The following SUPT16H variants were observed in gnomAD, a reference collection of about 807,000 sequenced individuals.
SUPT16H encodes SPT16 homolog, facilitates chromatin remodeling subunit.
A neutral mutation model predicts 136.2 loss-of-function variants in SUPT16H; 24 were observed. The observed-to-expected ratio is 0.18, with a 90% CI of 0.13 to 0.25. SUPT16H has a LOEUF of 0.25. Among genes scored for constraint, SUPT16H ranks in the 10% least tolerant of loss-of-function variants. SUPT16H has a pLI of 1.00. For missense variants in SUPT16H, 623 were observed against 1,270.2 expected, an observed-to-expected ratio of 0.49 and a Z score of 7.74; for synonymous variants, 415 against 428.2, an observed-to-expected ratio of 0.97 and a Z score of 0.38.
intron 1 of SUPT16H, among the ~76,000 whole-genome samples, chr14:21,381,622 T>G (rs990195583): frequency 8.9e-6 from 1 of 112,396 alleles, no homozygotes; most frequent in Non-Finnish European, 2.0e-5. Context: ...TTTTTTTTTT[T>G]AATTTATTTT....
rs1886668529 is a variant in SUPT16H, at chr14:21,366,451, G to T, written c.1034C>A (p.Thr345Asn). The change falls in exon 8 of 26, where the codon ACC becomes AAC. Residue 345 changes from threonine (T) to asparagine (N), a missense_variant. Thr to Asn is a moderately conservative substitution (Grantham distance 65). Coordinates refer to ENST00000216297, the MANE Select transcript of SUPT16H (RefSeq NM_007192.4). ...KQKPELLNKITKNLGFGMGIE... is the reference protein window; with the variant it reads ...KQKPELLNKINKNLGFGMGIE... ...CATCATGGCATACCCTAGGTTTTTG[G>T]TAATTTTGTTCAGCAGTTCTGGCTT... is the stretch of plus-strand genomic sequence containing the variant. The T allele has an allele frequency of 2.5e-6, 4 of 1,613,764 alleles. No homozygotes were observed. The highest frequency in any genetic ancestry group is 3.3e-5 in the Admixed American group (2 of 59,958).
chr14:21,383,338 G>A (rs1887079194), intron 1 of SUPT16H: 1 of 439,770 alleles, frequency 2.3e-6, no homozygotes, highest in South Asian at 3.9e-5. Context: ...TAGAACATGA[G>A]GCGGTTGCGC....
In SUPT16H at chr14:21,352,885, A is replaced by G; in HGVS notation, c.2999-67T>C. The G allele has an allele frequency of 2.5e-6, 4 of 1,603,290 alleles. No homozygotes were observed. The South Asian group carries it at 3.3e-5, about 13-fold the overall frequency. ...TAGGTACCTAATATTACTGGATAGCATGAGATAGTACAGAGAATACACTTT... is the reference window on the plus strand; with the variant it reads ...TAGGTACCTAATATTACTGGATAGCGTGAGATAGTACAGAGAATACACTTT... On this transcript the variant is annotated intron_variant, in intron 25 of 25. Transcript: ENST00000216297.
In SUPT16H at chr14:21,368,362, G is replaced by A. The variant is rs978695498; in HGVS notation, c.862C>T (p.Arg288Cys). The change falls in exon 7 of 26, where the codon CGC (arginine) becomes TGC (cysteine). Residue 288 changes from arginine to cysteine, a missense_variant. Arg to Cys is a radical substitution (Grantham distance 180). Around this residue, in one of 7 missense-constraint regions of SUPT16H, gnomAD observed 343 missense variants for 525.7 expected, o/e 0.65. Transcript: ENST00000216297. ...TGAGAAGGATCAACCATCAAAGTGC[G>A]AACAAGGTTGGAGCAGTAAGACTTG... is the stretch of plus-strand genomic sequence containing the variant. The part of the protein sequence containing the change: ...RFKSYCSNLV[R>C]TLMVDPSQEV... 5.0e-6 allele frequency: 8 copies of A among 1,614,076 alleles called. No individual in the cohort carries two copies. Among genetic ancestry groups the A allele is most frequent in the East Asian group, 2.2e-5 (1 of 44,884 alleles).
chr14:21,363,494 C>G lies in SUPT16H; in HGVS notation c.1243G>C (p.Ala415Pro), dbSNP rs1224364897. Residue 415 changes from alanine (A) to proline (P), a missense_variant, in exon 11 of 26, where the codon GCT becomes CCT. Coordinates refer to ENST00000216297, the MANE Select transcript of SUPT16H (RefSeq NM_007192.4). Reference sequence around the variant, plus strand: ...TTCTTCACAGAAGTGAGAACAGTAGCTGGGCCATCCTAGAATTAAAAGGAG... The same window carrying G: ...TTCTTCACAGAAGTGAGAACAGTAGGTGGGCCATCCTAGAATTAAAAGGAG... ...DTVLVDEDGP[A>P]TVLTSVKKKV... The G allele has an allele frequency of 6.2e-7, 1 of 1,612,250 alleles. No individual in the cohort carries two copies. The highest frequency in any genetic ancestry group is 8.5e-7 in the Non-Finnish European group (1 of 1,179,624).
At chr14:21,369,175 G>C in intron 6 of SUPT16H, 29 bp downstream of exon 6, 1 of 1,586,688 alleles carries the variant, frequency 6.3e-7, no homozygotes. Context: ...AAGTCAAAAT[G>C]CTATATTATG....
In SUPT16H at chr14:21,353,494, G is replaced by A; in HGVS notation, c.2992C>T (p.Arg998Ter). 1 of 1,613,426 alleles carries A rather than the reference G, an allele frequency of 6.2e-7. No individual in the cohort carries two copies. Among genetic ancestry groups the A allele is most frequent in the Non-Finnish European group, 8.5e-7 (1 of 1,179,876 alleles). The change falls in exon 25 of 26, where the codon CGA becomes TGA. Residue 998 changes from arginine to a stop codon, truncating the protein, a stop_gained. Coordinates refer to ENST00000216297, the MANE Select transcript of SUPT16H (RefSeq NM_007192.4). LOFTEE classifies it high-confidence loss of function. ...ACAACACATTTTTAAAAACCTTTTCGGGCTTCTTCCTCCAGTTCATCCCAA... is the reference window on the plus strand; with the variant it reads ...ACAACACATTTTTAAAAACCTTTTCAGGCTTCTTCCTCCAGTTCATCCCAA... The part of the protein sequence containing the change: ...KDWDELEEEA[R>*]KADRESRYEE...
intron 18 of SUPT16H, 36 bp downstream of exon 18, chr14:21,360,379 C>G: frequency 6.7e-7 from 1 of 1,482,416 alleles, no homozygotes; most frequent in Non-Finnish European, 9.4e-7. Flanking sequence ...AGTGTCTTGC[C>G]CAAGAGCTGA....
intron 1 of SUPT16H, among the ~76,000 whole-genome samples, chr14:21,381,272 T>G (rs982568024): frequency 2.0e-5 from 3 of 152,016 alleles, no homozygotes; most frequent in Admixed American, 1.3e-4. Flanking sequence ...AGGACATAAG[T>G]TATGAAAATT....
At chr14:21,361,266 T>G (rs768333134) in intron 15 of SUPT16H, 53 bp from the exon 16 acceptor site, 337 of 1,592,630 alleles carry the variant, frequency 2.1e-4, no homozygotes, top group South Asian at 9.1e-4. Context: ...CCAGGGAAAT[T>G]GTACTGATTT....
chr14:21,354,318 T>G, intron 23 of SUPT16H, 93 bp downstream of exon 23: 1 of 1,459,714 alleles, frequency 6.9e-7, no homozygotes, highest in Non-Finnish European at 9.1e-7. Flanking sequence ...CCAGATGGCC[T>G]AGTCCCTTAT....
At chr14:21,359,680 T>A in intron 18 of SUPT16H, 71 bp from the exon 19 acceptor site, 1 of 1,562,916 alleles carries the variant, frequency 6.4e-7, no homozygotes, top group African/African-American at 1.4e-5. Flanking sequence ...ATGGCAGTGA[T>A]CCAAACTTGG....
At chr14:21,360,666 CCA>C (rs1456957448) in intron 17 of SUPT16H, 133 bp from the exon 18 acceptor site, 1 of 1,205,312 alleles carries the variant, frequency 8.3e-7, no homozygotes, top group Admixed American at 2.3e-5. Context: ...TTCCTTCTGG[CCA>C]CACAGCAGTG....
chr14:21,383,996 G>C lies in SUPT16H; in HGVS notation c.-69C>G. ...GGTCCCGGCTCAGCCACCCGCTCTCGGCCCAGGAATCCCGCACTCTCCCAA... is the reference window on the plus strand; with the variant it reads ...GGTCCCGGCTCAGCCACCCGCTCTCCGCCCAGGAATCCCGCACTCTCCCAA... On this transcript the variant is annotated 5_prime_UTR_variant, in exon 1 of 26. Transcript: ENST00000216297. The C allele has an allele frequency of 1.3e-6, 2 of 1,583,342 alleles. No homozygotes were observed. The highest frequency in any genetic ancestry group is 1.7e-6 in the Non-Finnish European group (2 of 1,153,978).
At position 21,356,629 on chromosome 14, in the gene SUPT16H, A is replaced by G. The variant is rs540525803; in HGVS notation, c.2660+568T>C. Among the ~76,000 whole-genome samples, 205 of 152,322 alleles carry G rather than the reference A, an allele frequency of 1.3e-3. 1 individual carries two copies. Among genetic ancestry groups the G allele is most frequent in the Non-Finnish European group, 2.6e-3 (174 of 68,014 alleles). Reference sequence around the variant, plus strand: ...GTAGCACATGCCTGTAGTCCCAGCTACTTGGGATGCTGATGCAGGAAGGTT... The same window carrying G: ...GTAGCACATGCCTGTAGTCCCAGCTGCTTGGGATGCTGATGCAGGAAGGTT... On this transcript the variant is annotated intron_variant, in intron 22 of 25. Transcript: ENST00000216297.
intron 22 of SUPT16H, among the ~76,000 whole-genome samples, chr14:21,356,744 A>AACCACC (rs3068335): frequency 1.3e-5 from 2 of 152,056 alleles, no homozygotes; most frequent in African/African-American, 4.8e-5. Context: ...TGTCTCAAAC[A>AACCACC]ACCACCACCA....
intron 14 of SUPT16H, 56 bp downstream of exon 14, chr14:21,362,738 C>A (rs1021549846): frequency 3.3e-6 from 5 of 1,535,160 alleles, no homozygotes; most frequent in Non-Finnish European, 4.4e-6. Flanking sequence ...ATGGCAAATA[C>A]AATTACTATT....
intron 22 of SUPT16H, 94 bp downstream of exon 22, chr14:21,357,100 AAGT>A: frequency 8.0e-7 from 1 of 1,247,506 alleles, no homozygotes; most frequent in Non-Finnish European, 1.1e-6. Flanking sequence ...GTCTCACTTT[AAGT>A]ATATCAGTAG....
intron 22 of SUPT16H, among the ~76,000 whole-genome samples, chr14:21,356,162 A>G (rs1178478988): frequency 6.6e-6 from 1 of 152,190 alleles, no homozygotes; most frequent in Non-Finnish European, 1.5e-5. Context: ...AGAAGAGTAC[A>G]GGAAGGAAGA....
Sources: gnomAD v4.1 joint callset for allele counts (sites outside exome capture counted in the v4.1 genomes callset) on GRCh38, gnomAD v4.1.1 for gene constraint, gnomAD v4.1.1 regional missense constraint, MANE v1.5 for transcripts, NCBI Gene and HGNC (gene_info 2026-07-23, HGNC 2026-07-21) for gene names.